The following RIT2 variants were observed in gnomAD, a reference collection of about 807,000 sequenced individuals.
RIT2 encodes the protein Ras like without CAAX 2.
In RIT2, 24 loss-of-function variants were observed where a neutral mutation model predicts 23.7. The ratio of observed to expected loss-of-function variants is 1.01; its 90% CI spans 0.73 to 1.43. The LOEUF is 1.43. Among genes scored for constraint, RIT2 ranks in the 40% most tolerant of loss-of-function variants. The pLI, the probability that RIT2 is intolerant of heterozygous loss-of-function variation, is 0.00. For synonymous variants in RIT2, 107 were observed against 91.1 expected (o/e 1.17, Z -0.99); for missense variants, 236 against 266.9 (o/e 0.88, Z 0.81).
At chr18:42,896,091 C>T (rs1908321395) in intron 4 of RIT2, among the ~76,000 whole-genome samples, 1 of 152,124 alleles carries the variant, frequency 6.6e-6, no homozygotes, top group African/African-American at 2.4e-5. Context: ...TGGTGAAACC[C>T]CAGCTCTACT....
chr18:42,765,699 T>C (rs1567990978), intron 4 of RIT2, among the ~76,000 whole-genome samples: 1 of 152,232 alleles, frequency 6.6e-6, no homozygotes, highest in Non-Finnish European at 1.5e-5. Flanking sequence ...TATGCATAGA[T>C]GCATAAATGT....
intron 1 of RIT2, among the ~76,000 whole-genome samples, chr18:43,090,433 T>C (rs1237593236): frequency 6.6e-6 from 1 of 151,924 alleles, no homozygotes; most frequent in Non-Finnish European, 1.5e-5. Flanking sequence ...GAAGTGTAAA[T>C]AGTTCAGCCA....
chr18:42,959,900 G>GTA (rs1328373277), intron 3 of RIT2, among the ~76,000 whole-genome samples: 1 of 152,164 alleles, frequency 6.6e-6, no homozygotes, highest in Non-Finnish European at 1.5e-5. Flanking sequence ...CCACGAGTTG[G>GTA]TATGTCTTAA....
In RIT2 at chr18:42,984,904, A is replaced by G. The variant is rs148773914; in HGVS notation, c.161-10757T>C. Among the ~76,000 whole-genome samples, 797 of 151,650 alleles carry G rather than the reference A, an allele frequency of 5.3e-3. 5 individuals carry two copies. Among genetic ancestry groups the G allele is most frequent in the Middle Eastern group, 0.034 (10 of 294 alleles). On this transcript the variant is annotated intron_variant, in intron 2 of 4. Coordinates refer to ENST00000326695, the MANE Select transcript of RIT2 (RefSeq NM_002930.4). ...ATACTCAGTATCAACAGTTTTATTC[A>G]CCTCATGCTTGTGATTCATACATGC...
chr18:42,809,837 T>C, intron 4 of RIT2, among the ~76,000 whole-genome samples: 1 of 116,650 alleles, frequency 8.6e-6, no homozygotes, highest in East Asian at 2.0e-4. Flanking sequence ...ATATATATAA[T>C]TTGTATATAT....
At chr18:42,986,232 G>A (rs935737564) in intron 2 of RIT2, among the ~76,000 whole-genome samples, 1 of 151,644 alleles carries the variant, frequency 6.6e-6, no homozygotes, top group Non-Finnish European at 1.5e-5. Flanking sequence ...GTAGAGATGG[G>A]GTTTCACCAT....
intron 1 of RIT2, among the ~76,000 whole-genome samples, chr18:43,114,783 T>C (rs1192114620): frequency 6.6e-6 from 1 of 152,212 alleles, no homozygotes; most frequent in African/African-American, 2.4e-5. Context: ...CACCTCATCT[T>C]CATTTATTTG....
At chr18:42,822,108 AT>A (rs1177375995) in intron 4 of RIT2, among the ~76,000 whole-genome samples, 1 of 152,176 alleles carries the variant, frequency 6.6e-6, no homozygotes, top group South Asian at 2.1e-4. Flanking sequence ...AGGAGACAGT[AT>A]GTGCAGAGCT....
chr18:42,977,512 T>A (rs1910501816), intron 2 of RIT2, among the ~76,000 whole-genome samples: 1 of 151,888 alleles, frequency 6.6e-6, no homozygotes, highest in South Asian at 2.1e-4. Flanking sequence ...CTGTAGAAAG[T>A]AGTAATGATC....
At chr18:43,041,181 CT>C (rs1666636768) in intron 1 of RIT2, among the ~76,000 whole-genome samples, 1 of 152,026 alleles carries the variant, frequency 6.6e-6, no homozygotes. Context: ...CACATAAACG[CT>C]TCTTTGAAAG....
chr18:43,092,509 G>A (rs930381400), intron 1 of RIT2, among the ~76,000 whole-genome samples: 2 of 151,850 alleles, frequency 1.3e-5, no homozygotes, highest in African/African-American at 4.8e-5. Context: ...CTGAATATGG[G>A]GTGTGTTTTT....
At chr18:43,032,914 T>C (rs941718625) in intron 2 of RIT2, among the ~76,000 whole-genome samples, 6 of 152,060 alleles carry the variant, frequency 3.9e-5, no homozygotes, top group Admixed American at 1.3e-4. Flanking sequence ...TAATAGAAAC[T>C]AGATGATCTT....
intron 4 of RIT2, among the ~76,000 whole-genome samples, chr18:42,847,137 T>A (rs563351811): frequency 2.3e-4 from 35 of 152,256 alleles, no homozygotes; most frequent in Non-Finnish European, 2.9e-4. Flanking sequence ...AGGAAAATGG[T>A]CAGTACTTGT....
chr18:43,012,537 G>A (rs1302445051), intron 2 of RIT2, among the ~76,000 whole-genome samples: 1 of 151,562 alleles, frequency 6.6e-6, no homozygotes, highest in African/African-American at 2.4e-5. Context: ...AGAAAGGGTA[G>A]TATCTGTATT....
intron 4 of RIT2, among the ~76,000 whole-genome samples, chr18:42,825,054 T>C (rs1906256735): frequency 6.6e-6 from 1 of 151,898 alleles, no homozygotes; most frequent in Non-Finnish European, 1.5e-5. Flanking sequence ...TTGACTGAAT[T>C]CATTAATCTA....
chr18:43,056,819 G>A (rs889585032), intron 1 of RIT2, among the ~76,000 whole-genome samples: 6 of 152,080 alleles, frequency 3.9e-5, no homozygotes, highest in African/African-American at 7.2e-5. Context: ...TGAGCAGGAC[G>A]ATAGCTTTTG....
At chr18:43,016,135 C>T (rs1040418203) in intron 2 of RIT2, among the ~76,000 whole-genome samples, 6 of 151,842 alleles carry the variant, frequency 4.0e-5, no homozygotes, top group Non-Finnish European at 5.9e-5. Flanking sequence ...ACAAAAGCAT[C>T]AAATAGTCAA....
At chr18:42,882,379 T>G (rs1907918220) in intron 4 of RIT2, among the ~76,000 whole-genome samples, 1 of 152,204 alleles carries the variant, frequency 6.6e-6, no homozygotes, top group African/African-American at 2.4e-5. Context: ...TACTTAAAAA[T>G]AAGTCATCCT....
intron 3 of RIT2, among the ~76,000 whole-genome samples, chr18:42,951,696 C>T: frequency 6.6e-6 from 1 of 152,066 alleles, no homozygotes; most frequent in East Asian, 1.9e-4. Flanking sequence ...TATTTGCACT[C>T]CCATATTCAT....
Sources: allele counts gnomAD v4.1 joint callset (sites outside exome capture counted in the v4.1 genomes callset), GRCh38; gene constraint gnomAD v4.1.1; transcripts MANE v1.5; gene names NCBI Gene and HGNC (gene_info 2026-07-23, HGNC 2026-07-21).